SCML4: variants seen among roughly 807,000 people sequenced by gnomAD.
The protein encoded by SCML4 is sex comb on midleg-like protein 4.
In SCML4, 34 loss-of-function variants were observed where a neutral mutation model predicts 41.1. The ratio of observed to expected loss-of-function variants is 0.83; its 90% CI spans 0.63 to 1.10. The LOEUF is 1.10. Ranked by LOEUF, SCML4 falls within the 50% of genes least tolerant of loss-of-function variation. The pLI is 0.00. For missense variants in SCML4, 522 were observed against 534.1 expected, an observed-to-expected ratio of 0.98 and a Z score of 0.22; for synonymous variants, 214 against 220.9, an observed-to-expected ratio of 0.97 and a Z score of 0.28.
intron 4 of SCML4, chr6:107,745,403 T>C (rs1256321407): frequency 2.3e-6 from 1 of 431,100 alleles, no homozygotes; most frequent in Non-Finnish European, 4.2e-6. Context: ...TTCATCACTC[T>C]AATAGCTTTG....
intron 5 of SCML4, among the ~76,000 whole-genome samples, chr6:107,740,511 G>A (rs1380501924): frequency 6.6e-6 from 1 of 152,200 alleles, no homozygotes; most frequent in African/African-American, 2.4e-5. Context: ...GCAGGGATCA[G>A]CCAATACATC....
chr6:107,795,210 A>C (rs1341045223), intron 1 of SCML4, among the ~76,000 whole-genome samples: 1 of 152,178 alleles, frequency 6.6e-6, no homozygotes. Context: ...TTAACTCATA[A>C]ATTTAAAGCA....
At chr6:107,835,994 G>A in the SCML4 span, among the ~76,000 whole-genome samples, 1 of 152,108 alleles carries the variant, frequency 6.6e-6, no homozygotes, top group Admixed American at 6.5e-5. Flanking sequence ...CAGCCAGTTT[G>A]TGGTTGTATT....
chr6:107,712,672 C>A (rs887509971), intron 6 of SCML4, among the ~76,000 whole-genome samples: 4 of 152,214 alleles, frequency 2.6e-5, no homozygotes, highest in South Asian at 2.1e-4. Flanking sequence ...TGCTCCTGAT[C>A]CAAAGCACAT....
Position 107,707,975 on chromosome 6 carries a change from C to T in SCML4, c.1010G>A (p.Arg337Gln), listed in dbSNP as rs767298871. The change falls in exon 7 of 8, where the codon CGG (arginine) becomes CAG (glutamine). Residue 337 changes from arginine (R) to glutamine (Q), a missense_variant. Coordinates refer to ENST00000369020, the MANE Select transcript of SCML4 (RefSeq NM_198081.5). ...SPSQDAQDAR[R>Q]PRSRNPSAWT... is the part of the protein sequence containing the mutation. ...GGCGGAGGGGTTCCTGCTCCGTGGC[C>T]GCCTGGCATCCTGCGCATCCTGAGA... The T allele has an allele frequency of 5.8e-6, 9 of 1,551,440 alleles. No homozygotes were observed. The South Asian group carries it at 7.1e-5, about 12-fold the overall frequency.
chr6:107,725,032 G>A (rs990412305), intron 5 of SCML4, among the ~76,000 whole-genome samples: 2 of 152,190 alleles, frequency 1.3e-5, no homozygotes, highest in Non-Finnish European at 2.9e-5. Context: ...GGTTACCAGA[G>A]GCCAGGAAGG....
chr6:107,835,284 C>A, the SCML4 span, among the ~76,000 whole-genome samples: 1 of 151,996 alleles, frequency 6.6e-6, no homozygotes, highest in Admixed American at 6.5e-5. Flanking sequence ...TTGTTTGCAC[C>A]TGGGAGGTGG....
In SCML4 at chr6:107,776,124, T is replaced by G. The variant is rs570603604; in HGVS notation, c.-59-3738A>C. Among the ~76,000 whole-genome samples the G allele has an allele frequency of 5.5e-4, 83 of 152,194 alleles. 1 individual carries two copies. The highest frequency in any genetic ancestry group is 1.9e-3 in the African/African-American group (77 of 41,556). ...TCTAAGTACTGGATATTAGAAAACTTGGGAAGCAGAACCAGAAAGATTGAT... is the reference window on the plus strand; with the variant it reads ...TCTAAGTACTGGATATTAGAAAACTGGGGAAGCAGAACCAGAAAGATTGAT... On this transcript the variant is annotated intron_variant, in intron 1 of 7. Transcript: ENST00000369020.
upstream of SCML4, among the ~76,000 whole-genome samples, chr6:107,826,934 G>C (rs913813949): frequency 5.9e-5 from 9 of 151,978 alleles, no homozygotes; most frequent in Non-Finnish European, 1.2e-4. Flanking sequence ...GTGGTGGCAG[G>C]CGCCTGTAGT....
At chr6:107,742,547 C>T (rs1056655937) in intron 5 of SCML4, among the ~76,000 whole-genome samples, 1 of 151,916 alleles carries the variant, frequency 6.6e-6, no homozygotes, top group African/African-American at 2.4e-5. Flanking sequence ...AAAGCAGCAA[C>T]AAAAAAGAAG....
chr6:107,772,212 A>G lies in SCML4; in HGVS notation c.116T>C (p.Val39Ala), dbSNP rs1018036168. 1.9e-6 allele frequency: 3 copies of G among 1,551,352 alleles called. No individual in the cohort carries two copies. The African/African-American group carries it at 4.1e-5, about 21-fold the overall frequency. Residue 39 changes from valine (V) to alanine (A), a missense_variant, in exon 2 of 8, where the codon GTG (valine) becomes GCG (alanine). Physicochemically the swap from Val to Ala is moderately conservative, Grantham distance 64 (BLOSUM62 0). Coordinates refer to ENST00000369020, the MANE Select transcript of SCML4 (RefSeq NM_198081.5). ...YSASAGSLPA[V>A]KIPKKRGRKP... Reference sequence around the variant, plus strand: ...CCGCCCTCTTTTCTTTGGGATCTTCACTGCTGGTAAAGAGCCAGCTGAAGC... The same window carrying G: ...CCGCCCTCTTTTCTTTGGGATCTTCGCTGCTGGTAAAGAGCCAGCTGAAGC...
At chr6:107,789,217 A>G (rs1782132904) in intron 1 of SCML4, among the ~76,000 whole-genome samples, 1 of 152,190 alleles carries the variant, frequency 6.6e-6, no homozygotes. Context: ...TTCTCTCCTC[A>G]ATCATCCCTT....
intron 5 of SCML4, among the ~76,000 whole-genome samples, chr6:107,731,071 C>T (rs537669794): frequency 6.6e-6 from 1 of 152,060 alleles, no homozygotes; most frequent in East Asian, 1.9e-4. Flanking sequence ...GGTGTGAGCC[C>T]CTGAAATGTA....
chr6:107,734,797 T>G (rs905125624), intron 5 of SCML4, among the ~76,000 whole-genome samples: 8 of 152,158 alleles, frequency 5.3e-5, no homozygotes, highest in Non-Finnish European at 1.2e-4. Flanking sequence ...TGGCCCTAAG[T>G]GTCAGGAAAA....
chr6:107,836,164 G>A, the SCML4 span, among the ~76,000 whole-genome samples: 1 of 151,920 alleles, frequency 6.6e-6, no homozygotes, highest in Non-Finnish European at 1.5e-5. Flanking sequence ...ATGTATTTTA[G>A]AAGAACAGAA....
intron 2 of SCML4, among the ~76,000 whole-genome samples, chr6:107,753,159 T>G (rs1379649560): frequency 6.6e-6 from 1 of 151,804 alleles, no homozygotes; most frequent in Non-Finnish European, 1.5e-5. Context: ...AATAACAAAA[T>G]GAAAACCCCC....
chr6:107,828,124 G>A (rs898390604), upstream of SCML4, among the ~76,000 whole-genome samples: 9 of 152,166 alleles, frequency 5.9e-5, no homozygotes, highest in Admixed American at 5.2e-4. Context: ...CTGAGACTTA[G>A]GGATGTTAAA....
At chr6:107,722,052 C>T (rs564769619) in intron 5 of SCML4, among the ~76,000 whole-genome samples, 2 of 146,454 alleles carry the variant, frequency 1.4e-5, no homozygotes, top group African/African-American at 2.5e-5. Flanking sequence ...TGCAGTGGTG[C>T]GATCTCGGCT....
chr6:107,845,230 CA>C, the SCML4 span, among the ~76,000 whole-genome samples: 10 of 149,144 alleles, frequency 6.7e-5, no homozygotes, highest in Non-Finnish European at 1.2e-4. Flanking sequence ...AGCTAGAAAA[CA>C]AAAAAAAAAT....
Sources: allele counts gnomAD v4.1 joint callset (sites outside exome capture counted in the v4.1 genomes callset), GRCh38; gene constraint gnomAD v4.1.1; transcripts MANE v1.5; gene names NCBI Gene and HGNC (gene_info 2026-07-23, HGNC 2026-07-21).